The following LMO7 variants were observed in gnomAD, a reference collection of about 807,000 sequenced individuals.
LMO7 encodes the protein LIM domain only protein 7.
A neutral mutation model predicts 206.5 loss-of-function variants in LMO7; 120 were observed. The ratio of observed to expected loss-of-function variants is 0.58; its 90% CI spans 0.50 to 0.68. The LOEUF (loss-of-function observed/expected upper bound fraction) is 0.68, where lower values mean the gene tolerates loss of function less well. LMO7 is among the 30% of genes least tolerant of loss of function. The pLI is 0.00. For missense variants in LMO7, 1,959 were observed against 1,957.9 expected (o/e 1.00, Z -0.01); for synonymous variants, 706 against 681.5 (o/e 1.04, Z -0.56).
chr13:75,765,339 T>A lies in LMO7; in HGVS notation c.317+4301T>A, dbSNP rs9919867. On this transcript the variant is annotated intron_variant, in intron 4 of 30. Coordinates refer to ENST00000377534, the MANE Select transcript of LMO7 (RefSeq NM_001306080.2). ...TACTTTTTTTTTTTTTGCAAGTACA[T>A]GTCTTTCAAATGAGTTTCTCAACAT... is the stretch of plus-strand genomic sequence containing the variant. 1.9e-3 allele frequency among the ~76,000 whole-genome samples: 292 copies of A among 151,654 alleles called. 1 individual carries two copies. The highest frequency in any genetic ancestry group is 6.7e-3 in the African/African-American group (278 of 41,314).
At chr13:75,790,925 A>G (rs1388465140) in intron 4 of LMO7, among the ~76,000 whole-genome samples, 2 of 150,984 alleles carry the variant, frequency 1.3e-5, no homozygotes, top group African/African-American at 4.9e-5. Context: ...AGTAAGGGCT[A>G]TCAACATACC....
At chr13:75,718,984 T>C (rs1301090468) in intron 2 of LMO7, among the ~76,000 whole-genome samples, 2 of 151,324 alleles carry the variant, frequency 1.3e-5, no homozygotes, top group Non-Finnish European at 3.0e-5. Flanking sequence ...CTCTCTCTTT[T>C]TTTTTTTTTT....
At chr13:75,682,273 C>T (rs1483758524) in intron 1 of LMO7, among the ~76,000 whole-genome samples, 1 of 152,174 alleles carries the variant, frequency 6.6e-6, no homozygotes, top group African/African-American at 2.4e-5. Flanking sequence ...ACCTAGCATC[C>T]TCTGTTAGAC....
chr13:75,671,798 T>A (rs1282055429), intron 1 of LMO7, among the ~76,000 whole-genome samples: 2 of 152,138 alleles, frequency 1.3e-5, no homozygotes, highest in East Asian at 3.9e-4. Context: ...GTAAAATATC[T>A]CAGGTCATCT....
In LMO7 at chr13:75,713,261, T is replaced by C; in HGVS notation, c.140+9T>C. 6.3e-7 allele frequency: 1 copy of C among 1,586,806 alleles called. No homozygotes were observed. The highest frequency in any genetic ancestry group is 8.6e-7 in the Non-Finnish European group (1 of 1,161,536). ...GGTGTTCTGCTGTGTGAGTAAGTAT[T>C]TAAAGTATTTAAAAAATAATTCAAA... is the stretch of plus-strand genomic sequence containing the variant. On this transcript the variant is annotated intron_variant, in intron 2 of 30. Transcript: ENST00000377534.
chr13:75,699,210 A>C (rs2137872051), intron 1 of LMO7, among the ~76,000 whole-genome samples: 1 of 152,230 alleles, frequency 6.6e-6, no homozygotes, highest in South Asian at 2.1e-4. Flanking sequence ...AGGTGCCTGA[A>C]ACTGAGGAAA....
chr13:75,785,139 G>C (rs932226542), intron 4 of LMO7, among the ~76,000 whole-genome samples: 1 of 152,064 alleles, frequency 6.6e-6, no homozygotes, highest in Admixed American at 6.5e-5. Context: ...TTGGCAACAG[G>C]GTTTGAATCA....
intron 4 of LMO7, among the ~76,000 whole-genome samples, chr13:75,762,668 G>A (rs1157953356): frequency 6.6e-6 from 1 of 152,116 alleles, no homozygotes; most frequent in African/African-American, 2.4e-5. Flanking sequence ...GAAACTGCGA[G>A]GTCACGTAGT....
intron 1 of LMO7, among the ~76,000 whole-genome samples, chr13:75,706,752 C>T (rs1256916778): frequency 6.6e-6 from 1 of 151,724 alleles, no homozygotes; most frequent in African/African-American, 2.4e-5. Context: ...TGTAAAATAC[C>T]CTAATTTTAA....
intron 4 of LMO7, among the ~76,000 whole-genome samples, chr13:75,791,134 T>C (rs2053231102): frequency 6.6e-6 from 1 of 152,064 alleles, no homozygotes; most frequent in Admixed American, 6.5e-5. Context: ...TTGGGCTCTG[T>C]CTTTCAGAGC....
chr13:75,690,676 T>C (rs1359880009), intron 1 of LMO7, among the ~76,000 whole-genome samples: 2 of 152,224 alleles, frequency 1.3e-5, no homozygotes, highest in Non-Finnish European at 2.9e-5. Flanking sequence ...ATTGAAAGCT[T>C]ATATTCCAGT....
Position 75,806,040 on chromosome 13 carries a change from T to C in LMO7, c.1196+280T>C, listed in dbSNP as rs17065073. On this transcript the variant is annotated intron_variant, in intron 9 of 30. Coordinates refer to ENST00000377534, the MANE Select transcript of LMO7 (RefSeq NM_001306080.2). ...TGTCTCATTCCCTCTTCCCTTCTTT[T>C]CTTCATGTCACTCACAGTAGAAGGA... 2,945 of 1,181,932 alleles carry C rather than the reference T, an allele frequency of 2.5e-3. 46 individuals are homozygous for C. In the African/African-American group the frequency reaches 0.033, roughly 13 times the overall value. The allele number at this position is 1,181,932 out of a possible 1,614,324, so 73.2% of individuals were successfully genotyped here.
chr13:75,761,868 T>G lies in LMO7; in HGVS notation c.317+830T>G, dbSNP rs588500. On this transcript the variant is annotated intron_variant, in intron 4 of 30. Transcript: ENST00000377534. The stretch of plus-strand genomic sequence containing the variant: ...TTTTGCAAGGGAGAAAATAAACACC[T>G]TATTCTATCTATAGAAATAATGAAA... Among the ~76,000 whole-genome samples the G allele has an allele frequency of 5.4e-3, 829 of 152,300 alleles. 16 individuals are homozygous for G. The highest frequency in any genetic ancestry group is 0.019 in the African/African-American group (775 of 41,568).
Position 75,795,391 on chromosome 13 carries a change from T to C in LMO7, c.318-10T>C, listed in dbSNP as rs2053861035. The C allele has an allele frequency of 6.4e-7, 1 of 1,568,356 alleles. No homozygotes were observed. Among genetic ancestry groups the C allele is most frequent in the Non-Finnish European group, 8.7e-7 (1 of 1,146,290 alleles). On this transcript the variant is annotated splice_polypyrimidine_tract_variant and intron_variant, in intron 4 of 30. Transcript: ENST00000377534. Reference sequence around the variant, plus strand: ...GGATATTACCTAATAGATATTTTCTTTCTTTACAGGCAAGAAGAGACTGAC... The same window carrying C: ...GGATATTACCTAATAGATATTTTCTCTCTTTACAGGCAAGAAGAGACTGAC...
intron 1 of LMO7, among the ~76,000 whole-genome samples, chr13:75,708,233 G>A (rs1360864606): frequency 6.6e-6 from 1 of 152,212 alleles, no homozygotes; most frequent in Non-Finnish European, 1.5e-5. Flanking sequence ...GAGAGGTTAT[G>A]TAACTTGCTT....
At chr13:75,772,017 C>T (rs1342161055) in intron 4 of LMO7, among the ~76,000 whole-genome samples, 2 of 152,032 alleles carry the variant, frequency 1.3e-5, no homozygotes, top group African/African-American at 4.8e-5. Flanking sequence ...AAACTCTTCT[C>T]TGGTTGCAGA....
intron 3 of LMO7, among the ~76,000 whole-genome samples, chr13:75,743,202 T>C (rs549411059): frequency 3.3e-5 from 5 of 152,260 alleles, no homozygotes; most frequent in African/African-American, 1.2e-4. Context: ...TGGCTATTAC[T>C]AAAAAGTCAA....
chr13:75,753,557 C>T (rs772555924), intron 3 of LMO7, among the ~76,000 whole-genome samples: 2 of 152,094 alleles, frequency 1.3e-5, no homozygotes, highest in Non-Finnish European at 2.9e-5. Context: ...CCCCAGGTGT[C>T]GTGGGAAGGA....
intron 2 of LMO7, among the ~76,000 whole-genome samples, chr13:75,630,705 T>C (rs766068900): frequency 6.6e-6 from 1 of 152,200 alleles, no homozygotes; most frequent in Non-Finnish European, 1.5e-5. Context: ...ATAGCCACTG[T>C]TAAAAGTTCA....
Sources: gnomAD v4.1 joint callset for allele counts (sites outside exome capture counted in the v4.1 genomes callset) on GRCh38, gnomAD v4.1.1 for gene constraint, MANE v1.5 for transcripts, NCBI Gene and HGNC (gene_info 2026-07-23, HGNC 2026-07-21) for gene names.